SH3GL2: variants seen among roughly 807,000 people sequenced by gnomAD.
SH3GL2 encodes SH3 domain containing GRB2 like 2, endophilin A1.
In SH3GL2, 24 loss-of-function variants were observed where a neutral mutation model predicts 46.0. The ratio of observed to expected loss-of-function variants is 0.52; its 90% CI spans 0.38 to 0.73. The LOEUF is 0.73. Among genes scored for constraint, SH3GL2 ranks in the 30% least tolerant of loss-of-function variants. The pLI is 0.00. For synonymous variants in SH3GL2, 196 were observed against 147.1 expected (o/e 1.33, Z -2.40); for missense variants, 413 against 424.2 (o/e 0.97, Z 0.23).
rs1447751581 is a variant in SH3GL2 at position 17,682,152 on chromosome 9, C to T, written c.46-64914C>T. On this transcript the variant is annotated intron_variant, in intron 1 of 8. Transcript: ENST00000380607. The stretch of plus-strand genomic sequence containing the variant: ...TCAACCATTTTGGAAGACAGTGTGG[C>T]GATTCCTCAAGGATCTACAACCAGA... 7.2e-5 allele frequency among the ~76,000 whole-genome samples: 11 copies of T among 152,116 alleles called. No homozygotes were observed. In the East Asian group the frequency reaches 9.6e-4, roughly 13 times the overall value.
intron 1 of SH3GL2, among the ~76,000 whole-genome samples, chr9:17,743,801 T>C (rs1476248910): frequency 1.3e-5 from 2 of 152,222 alleles, no homozygotes; most frequent in Non-Finnish European, 2.9e-5. Flanking sequence ...ATTGAAAGTG[T>C]GATGTAGGCC....
intron 4 of SH3GL2, 99 bp downstream of exon 4, chr9:17,786,623 T>C: frequency 2.2e-6 from 3 of 1,370,458 alleles, no homozygotes; most frequent in Non-Finnish European, 3.1e-6. Flanking sequence ...TCATTTTATA[T>C]TTTGGTTTTC....
At chr9:17,674,337 G>C (rs1490848745) in intron 1 of SH3GL2, among the ~76,000 whole-genome samples, 1 of 152,112 alleles carries the variant, frequency 6.6e-6, no homozygotes, top group Non-Finnish European at 1.5e-5. Context: ...TGTGATCTCA[G>C]CTCACTGAAA....
In SH3GL2 at chr9:17,795,686, C is replaced by T. The variant is rs929659891; in HGVS notation, c.1002C>T (p.Gly334=). 6.2e-7 allele frequency: 1 copy of T among 1,613,982 alleles called. No homozygotes were observed. The change falls in exon 9 of 9, where the codon GGC becomes GGT. Residue 334 remains glycine, a synonymous_variant. Transcript: ENST00000380607. ...ACTGGTATGAGGGGATGCTGCATGG[C>T]CATTCAGGCTTCTTCCCCATCAATT... The part of the protein sequence containing the change: ...DENWYEGMLH[G]HSGFFPINYV...
At chr9:17,688,872 T>C (rs1053204983) in intron 1 of SH3GL2, among the ~76,000 whole-genome samples, 1 of 152,094 alleles carries the variant, frequency 6.6e-6, no homozygotes, top group African/African-American at 2.4e-5. Flanking sequence ...ACATACTTCC[T>C]GTGCAGAGGA....
At chr9:17,703,801 C>T (rs1458351952) in intron 1 of SH3GL2, among the ~76,000 whole-genome samples, 5 of 151,916 alleles carry the variant, frequency 3.3e-5, no homozygotes, top group Non-Finnish European at 5.9e-5. Context: ...AAGGAATATA[C>T]CTCAAAATAA....
intron 1 of SH3GL2, among the ~76,000 whole-genome samples, chr9:17,746,351 CA>C (rs1422261013): frequency 6.6e-6 from 1 of 152,190 alleles, no homozygotes; most frequent in Non-Finnish European, 1.5e-5. Flanking sequence ...GCTGGGATTA[CA>C]GGTGTGAGTC....
chr9:17,782,025 A>T (rs1043998497), intron 3 of SH3GL2, among the ~76,000 whole-genome samples: 4 of 152,254 alleles, frequency 2.6e-5, no homozygotes, highest in African/African-American at 9.6e-5. Flanking sequence ...GTCCCCCTAG[A>T]CATAGCACTT....
intron 1 of SH3GL2, among the ~76,000 whole-genome samples, chr9:17,725,462 C>A (rs1026684230): frequency 6.6e-6 from 1 of 152,102 alleles, no homozygotes; most frequent in African/African-American, 2.4e-5. Context: ...TTGTTTTTGA[C>A]AATGCTCTTA....
chr9:17,614,876 A>C (rs75704618), intron 1 of SH3GL2, among the ~76,000 whole-genome samples: 1 of 152,306 alleles, frequency 6.6e-6, no homozygotes, highest in Non-Finnish European at 1.5e-5. Context: ...CATAGGACAA[A>C]AATACAAAAT....
chr9:17,788,425 C>T (rs1055888162), intron 5 of SH3GL2, among the ~76,000 whole-genome samples: 1 of 152,040 alleles, frequency 6.6e-6, no homozygotes, highest in Non-Finnish European at 1.5e-5. Flanking sequence ...TATTATTCTT[C>T]CTCCTTTCCT....
chr9:17,695,902 C>T (rs966864705), intron 1 of SH3GL2, among the ~76,000 whole-genome samples: 4 of 152,106 alleles, frequency 2.6e-5, no homozygotes, highest in African/African-American at 9.7e-5. Context: ...CTTAGTAAGT[C>T]ATAGAGGCCT....
At chr9:17,581,433 A>G (rs1478507990) in intron 1 of SH3GL2, among the ~76,000 whole-genome samples, 1 of 152,234 alleles carries the variant, frequency 6.6e-6, no homozygotes, top group Admixed American at 6.5e-5. Context: ...TCTCTTATCC[A>G]TAATTTAGTG....
chr9:17,678,168 T>C lies in SH3GL2; in HGVS notation c.46-68898T>C, dbSNP rs201804980. Among the ~76,000 whole-genome samples, 626 of 152,136 alleles carry C rather than the reference T, an allele frequency of 4.1e-3. 8 individuals carry two copies. The highest frequency in any genetic ancestry group is 0.027 in the East Asian group (142 of 5,174). On this transcript the variant is annotated intron_variant, in intron 1 of 8. Transcript: ENST00000380607. ...TATACCCAGTAATGGGATTGCTGGG[T>C]CAAATGGTATTTCTAGTTCTAGATC...
chr9:17,753,982 TA>T (rs1822919477), intron 2 of SH3GL2, among the ~76,000 whole-genome samples: 2 of 152,250 alleles, frequency 1.3e-5, no homozygotes, highest in Non-Finnish European at 2.9e-5. Context: ...AAAGACCAGA[TA>T]ACTGTAGGTG....
At chr9:17,764,193 A>G (rs536001040) in intron 3 of SH3GL2, among the ~76,000 whole-genome samples, 1 of 152,332 alleles carries the variant, frequency 6.6e-6, no homozygotes, top group South Asian at 2.1e-4. Context: ...CAGGCCACAT[A>G]CATATATGAG....
At chr9:17,687,332 G>C (rs1259733995) in intron 1 of SH3GL2, among the ~76,000 whole-genome samples, 1 of 152,034 alleles carries the variant, frequency 6.6e-6, no homozygotes, top group Non-Finnish European at 1.5e-5. Flanking sequence ...ATCTGCAAGT[G>C]AACAAGTATT....
intron 1 of SH3GL2, among the ~76,000 whole-genome samples, chr9:17,599,105 G>A (rs1818624445): frequency 6.6e-6 from 1 of 152,188 alleles, no homozygotes; most frequent in Non-Finnish European, 1.5e-5. Flanking sequence ...CTATTCGTTT[G>A]AGAAATAAAA....
intron 1 of SH3GL2, among the ~76,000 whole-genome samples, chr9:17,722,767 A>G (rs188160880): frequency 7.8e-4 from 119 of 152,156 alleles, no homozygotes; most frequent in Middle Eastern, 3.4e-3. Context: ...TATTTTCTTC[A>G]TAAATTAGCC....
Sources: allele counts gnomAD v4.1 joint callset (sites outside exome capture counted in the v4.1 genomes callset), GRCh38; gene constraint gnomAD v4.1.1; transcripts MANE v1.5; gene names NCBI Gene and HGNC (gene_info 2026-07-23, HGNC 2026-07-21).